STK32B: variants seen among roughly 807,000 people sequenced by gnomAD.
STK32B encodes serine/threonine-protein kinase 32B.
STK32B carries 43 observed loss-of-function variants against 52.6 expected under a neutral mutation model. The observed-to-expected ratio is 0.82, with a 90% confidence interval of 0.64 to 1.05. The LOEUF is 1.05. Ranked by LOEUF, STK32B falls within the 50% of genes least tolerant of loss-of-function variation. The probability of loss-of-function intolerance (pLI) is 0.00; values close to 1 mark genes in which losing one functional copy is unlikely to be tolerated. For synonymous variants in STK32B, 238 were observed against 204.3 expected (o/e 1.17, Z -1.41); for missense variants, 621 against 534.6 (o/e 1.16, Z -1.59).
intron 4 of STK32B, among the ~76,000 whole-genome samples, chr4:5,359,378 A>G (rs73794581): frequency 1.6e-5 from 2 of 123,084 alleles, no homozygotes; most frequent in East Asian, 4.6e-4. Context: ...CACTCATCCA[A>G]CCCTCCCTCC....
Position 5,394,753 on chromosome 4 carries a change from T to C in STK32B, c.435-3454T>C, listed in dbSNP as rs993683623. Among the ~76,000 whole-genome samples the C allele has an allele frequency of 1.3e-5, 2 of 152,238 alleles. No individual in the cohort carries two copies. Among genetic ancestry groups the C allele is most frequent in the Non-Finnish European group, 2.9e-5 (2 of 68,044 alleles). ...CATTGTACACTCAGCAACAGTGAGA[T>C]GGCTGTTGCTGTTCCCATTTCCCAA... On this transcript the variant is annotated intron_variant, in intron 4 of 11. Coordinates refer to ENST00000282908, the MANE Select transcript of STK32B (RefSeq NM_018401.3). The surrounding 1 kb of genome is among the most constrained non-coding windows in gnomAD (Gnocchi z 4.2).
chr4:5,475,361 G>C lies in STK32B; in HGVS notation c.1106+7291G>C, dbSNP rs113712568. Among the ~76,000 whole-genome samples, 595 of 144,492 alleles carry C rather than the reference G, an allele frequency of 4.1e-3. 3 individuals are homozygous for C. Among genetic ancestry groups the C allele is most frequent in the African/African-American group, 0.015 (574 of 38,528 alleles). The allele number at this position is 144,492 out of a possible 152,430, so 94.8% of individuals were successfully genotyped here. A position where few individuals can be genotyped will look rare whatever the true frequency, so the allele number is the denominator to read the frequency against. On this transcript the variant is annotated intron_variant, in intron 11 of 11. Coordinates refer to ENST00000282908, the MANE Select transcript of STK32B (RefSeq NM_018401.3). ...AATCGCTTGAACCCGAGAGGCGGAG[G>C]TTGCAGTGAGCCGAGATCACACCAC...
chr4:5,155,195 T>G (rs561945487), intron 2 of STK32B, among the ~76,000 whole-genome samples: 1 of 152,328 alleles, frequency 6.6e-6, no homozygotes, highest in South Asian at 2.1e-4. Context: ...ATGTCCACTC[T>G]GTGGCGCCTT....
At chr4:5,324,995 T>C (rs1731776994) in intron 3 of STK32B, among the ~76,000 whole-genome samples, 2 of 152,216 alleles carry the variant, frequency 1.3e-5, no homozygotes, top group Non-Finnish European at 2.9e-5. Context: ...TGCGAGCCTG[T>C]CTTCGTGAAG....
chr4:5,401,490 T>G (rs1390155603), intron 5 of STK32B, among the ~76,000 whole-genome samples: 1 of 152,196 alleles, frequency 6.6e-6, no homozygotes, highest in African/African-American at 2.4e-5. Flanking sequence ...TCTCACAAGC[T>G]TCTCTGCTCC....
chr4:5,142,291 G>T (rs140217166), intron 2 of STK32B, among the ~76,000 whole-genome samples: 3 of 152,266 alleles, frequency 2.0e-5, no homozygotes, highest in African/African-American at 7.2e-5. Flanking sequence ...TCTTCCCTGG[G>T]GAGTATTTTC....
At chr4:5,361,843 T>C (rs950123110) in intron 4 of STK32B, among the ~76,000 whole-genome samples, 5 of 152,160 alleles carry the variant, frequency 3.3e-5, no homozygotes, top group African/African-American at 4.8e-5. Context: ...AAGATTTAGG[T>C]CGGGGTAGAT....
chr4:5,077,616 C>G (rs1299708804), intron 1 of STK32B, among the ~76,000 whole-genome samples: 1 of 152,104 alleles, frequency 6.6e-6, no homozygotes, highest in African/African-American at 2.4e-5. Context: ...TCCCTTGCAG[C>G]CAAGGTTAGA....
At chr4:5,424,210 G>T (rs1712879645) in intron 6 of STK32B, among the ~76,000 whole-genome samples, 1 of 152,136 alleles carries the variant, frequency 6.6e-6, no homozygotes, top group South Asian at 2.1e-4. Flanking sequence ...TGAGAGAGAG[G>T]CTGAAGGGGT....
At chr4:5,446,863 G>A (rs1420752508) in intron 7 of STK32B, 87 bp downstream of exon 7, 19 of 1,360,868 alleles carry the variant, frequency 1.4e-5, no homozygotes, top group Admixed American at 7.2e-5. Context: ...GGCAGGGCCC[G>A]CGGTGCAGGA....
chr4:5,248,861 TG>T (rs1310384427), intron 3 of STK32B, among the ~76,000 whole-genome samples: 1 of 148,834 alleles, frequency 6.7e-6, no homozygotes, highest in Non-Finnish European at 1.5e-5. Flanking sequence ...CACTCATAGG[TG>T]GGAATTGAAC....
chr4:5,271,912 A>G (rs1727457957), intron 3 of STK32B, among the ~76,000 whole-genome samples: 1 of 145,700 alleles, frequency 6.9e-6, no homozygotes, highest in African/African-American at 2.8e-5. Flanking sequence ...GGGCTGAGAC[A>G]ATGGGGTTTT....
At chr4:5,319,308 A>C (rs1731329183) in intron 3 of STK32B, among the ~76,000 whole-genome samples, 1 of 152,174 alleles carries the variant, frequency 6.6e-6, no homozygotes, top group South Asian at 2.1e-4. Context: ...TGCTCTCCTG[A>C]ATAGGGCTCA....
At chr4:5,035,251 C>T in the STK32B span, among the ~76,000 whole-genome samples, 4 of 152,230 alleles carry the variant, frequency 2.6e-5, no homozygotes, top group Admixed American at 1.3e-4. Context: ...CATGTACATT[C>T]ATTGAAGACA....
chr4:5,257,662 TG>T (rs1726417883), intron 3 of STK32B, among the ~76,000 whole-genome samples: 1 of 152,220 alleles, frequency 6.6e-6, no homozygotes, highest in African/African-American at 2.4e-5. Flanking sequence ...CAGTGGGGGC[TG>T]GGCATGGTGG....
chr4:5,429,545 T>C (rs1713386492), intron 6 of STK32B, among the ~76,000 whole-genome samples: 1 of 97,670 alleles, frequency 1.0e-5, no homozygotes. Flanking sequence ...TCTATTCATC[T>C]CTTTTTACTA....
At chr4:5,355,290 C>T (rs1193023397) in intron 4 of STK32B, among the ~76,000 whole-genome samples, 1 of 152,012 alleles carries the variant, frequency 6.6e-6, no homozygotes, top group African/African-American at 2.4e-5. Context: ...ATATGAGGAC[C>T]TTATATATAA....
At chr4:5,444,874 G>A (rs1715239777) in intron 6 of STK32B, among the ~76,000 whole-genome samples, 1 of 152,198 alleles carries the variant, frequency 6.6e-6, no homozygotes, top group Non-Finnish European at 1.5e-5. Context: ...TGGTCTTCCT[G>A]TTTCCCAGGG....
At chr4:5,433,670 G>C (rs1713784153) in intron 6 of STK32B, among the ~76,000 whole-genome samples, 1 of 152,180 alleles carries the variant, frequency 6.6e-6, no homozygotes, top group African/African-American at 2.4e-5. Context: ...GCAAACACCT[G>C]TGGAAACAGA....
Sources: gnomAD v4.1 joint callset for allele counts (sites outside exome capture counted in the v4.1 genomes callset) on GRCh38, gnomAD v4.1.1 for gene constraint, Gnocchi (gnomAD v3.1) non-coding constraint, MANE v1.5 for transcripts, NCBI Gene and HGNC (gene_info 2026-07-23, HGNC 2026-07-21) for gene names.